The following UGT1A5 variants were observed in gnomAD, a reference collection of about 807,000 sequenced individuals.
The protein encoded by UGT1A5 is UDP glucuronosyltransferase family 1 member A5.
A neutral mutation model predicts 40.3 loss-of-function variants in UGT1A5; 29 were observed. The ratio of observed to expected loss-of-function variants is 0.72; its 90% CI spans 0.54 to 0.98. UGT1A5 has a LOEUF of 0.98. Among genes scored for constraint, UGT1A5 ranks in the 50% least tolerant of loss-of-function variants. The probability of loss-of-function intolerance (pLI) is 0.00; values close to 1 mark genes in which losing one functional copy is unlikely to be tolerated. For synonymous variants in UGT1A5, 257 were observed against 262.5 expected (o/e 0.98, Z 0.20); for missense variants, 678 against 677.9 (o/e 1.00, Z 0.00).
At chr2:233,766,701 C>T (rs1699231181) in intron 1 of UGT1A5, among the ~76,000 whole-genome samples, 1 of 152,122 alleles carries the variant, frequency 6.6e-6, no homozygotes, top group Admixed American at 6.5e-5. Flanking sequence ...ATGCCTTGCT[C>T]TGTGTTCTCT....
intron 1 of UGT1A5, chr2:233,729,276 G>A (rs765243640): frequency 3.1e-6 from 5 of 1,614,232 alleles, no homozygotes; most frequent in Admixed American, 3.3e-5. Context: ...TCTTGCGGGA[G>A]CTCCATGCCA....
chr2:233,768,088 A>G, intron 3 of UGT1A5, 132 bp from the exon 4 acceptor site: 2 of 1,591,352 alleles, frequency 1.3e-6, no homozygotes, highest in Non-Finnish European at 1.7e-6. Flanking sequence ...CTCAACCCAC[A>G]TTTTCTTCTG....
chr2:233,772,669 CA>C lies in UGT1A5; in HGVS notation c.*111del. On this transcript the variant is annotated 3_prime_UTR_variant, in exon 5 of 5. Coordinates refer to ENST00000373414, the MANE Select transcript of UGT1A5 (RefSeq NM_019078.2). ...TTATTCTTATTAAGGAAATACTTTG[CA>C]TAAATTAATCAGCCCCAGAGTGCTT... 6.5e-7 allele frequency: 1 copy of C among 1,536,408 alleles called. No individual in the cohort carries two copies. The highest frequency in any genetic ancestry group is 1.4e-5 in the African/African-American group (1 of 72,618).
At chr2:233,766,965 T>C in intron 1 of UGT1A5, 69 bp from the exon 2 acceptor site, 1 of 1,608,636 alleles carries the variant, frequency 6.2e-7, no homozygotes, top group Non-Finnish European at 8.5e-7. Context: ...ATCTAATTCA[T>C]AACTTACTGT....
Position 233,772,408 on chromosome 2 carries a change from A to C in UGT1A5, c.1454A>C (p.Tyr485Ser), listed in dbSNP as rs1700517999. 1 of 1,614,210 alleles carries C rather than the reference A, an allele frequency of 6.2e-7. No individual in the cohort carries two copies. Among genetic ancestry groups the C allele is most frequent in the Non-Finnish European group, 8.5e-7 (1 of 1,180,026 alleles). ...CCCGCAGCCCACGACCTCACCTGGT[A>C]CCAGTACCATTCCTTGGACGTGATT... is the stretch of plus-strand genomic sequence containing the variant. ...LRPAAHDLTWYQYHSLDVIGF... is the reference protein window; with the variant it reads ...LRPAAHDLTWSQYHSLDVIGF... Residue 485 changes from tyrosine (Y) to serine (S), a missense_variant, in exon 5 of 5, where the codon TAC becomes TCC. Physicochemically the swap from Tyr to Ser is moderately radical, Grantham distance 144 (BLOSUM62 -2). Transcript: ENST00000373414.
chr2:233,732,474 A>C (rs866244589), intron 1 of UGT1A5, among the ~76,000 whole-genome samples: 34 of 152,356 alleles, frequency 2.2e-4, no homozygotes, highest in African/African-American at 6.3e-4. Flanking sequence ...TCCATCTGGA[A>C]TTAATTTTTG....
At chr2:233,754,918 G>A (rs1172980350) in intron 1 of UGT1A5, 1 of 1,353,118 alleles carries the variant, frequency 7.4e-7, no homozygotes. Flanking sequence ...TTCTCCAGCG[G>A]GTTTCCCAAG....
chr2:233,766,201 G>C (rs544565545), intron 1 of UGT1A5, among the ~76,000 whole-genome samples: 1 of 152,254 alleles, frequency 6.6e-6, no homozygotes, highest in East Asian at 1.9e-4. Flanking sequence ...CTCAGCAGAT[G>C]GGGGAAGCCA....
intron 1 of UGT1A5, among the ~76,000 whole-genome samples, chr2:233,762,541 G>A (rs1437791654): frequency 6.6e-6 from 1 of 152,290 alleles, no homozygotes; most frequent in African/African-American, 2.4e-5. Flanking sequence ...GTGTACCACA[G>A]TGTATTCTGC....
Position 233,729,585 on chromosome 2 carries a change from C to T in UGT1A5, c.867+15727C>T, listed in dbSNP as rs138617806. ...CCTTTGATGTGGTTTTAACAGACCC[C>T]GTTAACCTCTGCGCGGCAGTGCTGG... On this transcript the variant is annotated intron_variant, in intron 1 of 4. Transcript: ENST00000373414. 5.8e-5 allele frequency: 94 copies of T among 1,614,084 alleles called. 1 individual carries two copies. Among genetic ancestry groups the T allele is most frequent in the East Asian group, 4.2e-4 (19 of 44,882 alleles).
Position 233,769,697 on chromosome 2 carries a change from A to C in UGT1A5, c.1307+1258A>C. The C allele has an allele frequency of 6.5e-7, 1 of 1,535,580 alleles. No individual in the cohort carries two copies. The highest frequency in any genetic ancestry group is 8.8e-7 in the Non-Finnish European group (1 of 1,140,024). On this transcript the variant is annotated intron_variant, in intron 4 of 4. Transcript: ENST00000373414. The surrounding 1 kb of genome is among the most constrained non-coding windows in gnomAD (Gnocchi z 4.4). ...TGTGTGTGTGGTGGCACTGGATAAA[A>C]GATCAATGTTGGCTAGGCACCATGG...
chr2:233,730,126 G>A, intron 1 of UGT1A5: 1 of 1,542,516 alleles, frequency 6.5e-7, no homozygotes, highest in Non-Finnish European at 8.7e-7. Flanking sequence ...TGTCATAATA[G>A]CCTTCAGTGA....
chr2:233,760,310 G>T (rs768521253), intron 1 of UGT1A5: 3 of 1,613,706 alleles, frequency 1.9e-6, no homozygotes, highest in Non-Finnish European at 2.5e-6. Context: ...TCCCAGGGCG[G>T]ACGCCCACTT....
intron 4 of UGT1A5, among the ~76,000 whole-genome samples, chr2:233,771,914 AAC>A (rs1700408525): frequency 6.6e-6 from 1 of 152,068 alleles, no homozygotes; most frequent in African/African-American, 2.4e-5. Flanking sequence ...TGATAATAGT[AAC>A]ACAGCCTGGG....
In UGT1A5 at chr2:233,767,853, T is replaced by C; in HGVS notation, c.1004T>C (p.Leu335Pro). 1.2e-6 allele frequency: 2 copies of C among 1,614,210 alleles called. No individual in the cohort carries two copies. The highest frequency in any genetic ancestry group is 1.1e-5 in the South Asian group (1 of 91,084). Residue 335 changes from leucine (L) to proline (P), a missense_variant, in exon 3 of 5, where the codon CTG becomes CCG. By Grantham distance (98) the Leu-to-Pro change is moderately conservative. Transcript: ENST00000373414. The part of the protein sequence containing the change: ...DALGKIPQTV[L>P]WRYTGTRPSN... ...TGCTCTTTTTGCCCCTCCCAGGTCC[T>C]GTGGCGGTACACTGGAACCCGACCA...
intron 1 of UGT1A5, among the ~76,000 whole-genome samples, chr2:233,726,425 CTCTTAA>C (rs2077531694): frequency 6.6e-6 from 1 of 152,204 alleles, no homozygotes; most frequent in Non-Finnish European, 1.5e-5. Context: ...ATTCTGTCCA[CTCTTAA>C]TCTTATTCTT....
At chr2:233,766,980 A>G (rs1699299686) in intron 1 of UGT1A5, 54 bp from the exon 2 acceptor site, 14 of 1,612,720 alleles carry the variant, frequency 8.7e-6, no homozygotes, top group Non-Finnish European at 1.1e-5. Flanking sequence ...TACTGTATGT[A>G]GTCATCAAAG....
intron 1 of UGT1A5, among the ~76,000 whole-genome samples, chr2:233,761,431 T>C (rs1333766106): frequency 6.6e-6 from 1 of 152,234 alleles, no homozygotes; most frequent in Non-Finnish European, 1.5e-5. Context: ...TTAAATGCCA[T>C]AGGCACAGAA....
chr2:233,715,342 A>G (rs1189143165), intron 1 of UGT1A5, among the ~76,000 whole-genome samples: 2 of 150,484 alleles, frequency 1.3e-5, no homozygotes, highest in African/African-American at 2.5e-5. Context: ...TGGTGCATGT[A>G]GGTTTGAGGT....
Sources: allele counts gnomAD v4.1 joint callset (sites outside exome capture counted in the v4.1 genomes callset), GRCh38; gene constraint gnomAD v4.1.1; non-coding constraint Gnocchi (gnomAD v3.1); transcripts MANE v1.5; gene names NCBI Gene and HGNC (gene_info 2026-07-23, HGNC 2026-07-21).